Variants in WDHD1 observed in about 807,000 individuals in gnomAD.
WDHD1 encodes the protein WD repeat and HMG-box DNA binding protein 1.
Under a neutral mutation model 135.4 loss-of-function variants are expected in WDHD1, and 111 were observed. The ratio of observed to expected loss-of-function variants is 0.82; its 90% CI spans 0.70 to 0.96. WDHD1 has a LOEUF of 0.96. Among genes scored for constraint, WDHD1 ranks in the 40% least tolerant of loss-of-function variants. The pLI is 0.00. For missense variants in WDHD1, 1,351 were observed against 1,336.3 expected (o/e 1.01, Z -0.17); for synonymous variants, 434 against 439.0 (o/e 0.99, Z 0.14).
At chr14:54,990,545 G>A (rs2041768787) in intron 12 of WDHD1, among the ~76,000 whole-genome samples, 1 of 150,550 alleles carries the variant, frequency 6.6e-6, no homozygotes. Context: ...GCAGTGAGCA[G>A]AGATTGTGCC....
intron 15 of WDHD1, 23 bp from the exon 16 acceptor site, chr14:54,981,719 C>T: frequency 6.5e-7 from 1 of 1,544,374 alleles, no homozygotes; most frequent in African/African-American, 1.4e-5. Context: ...AGAAAAATCA[C>T]TTGGAGACAT....
rs762950965 is a variant in WDHD1, at chr14:54,962,779, C to T, written c.2606G>A (p.Gly869Glu). 2.5e-5 allele frequency: 40 copies of T among 1,613,716 alleles called. No homozygotes were observed. Among genetic ancestry groups the T allele is most frequent in the Non-Finnish European group, 2.9e-5 (34 of 1,180,020 alleles). Reference sequence around the variant, plus strand: ...TGGTTTTTCTTCATCATCAGCTTCTCCACTGTCCTCAGCATCTTCTTCAAC... The same window carrying T: ...TGGTTTTTCTTCATCATCAGCTTCTTCACTGTCCTCAGCATCTTCTTCAAC... ...NQVEEDAEDS[G>E]EADDEEKPEI... The change falls in exon 20 of 26, where the codon GGA becomes GAA. Residue 869 changes from glycine (G) to glutamate (E), a missense_variant. By Grantham distance (98) the Gly-to-Glu change is moderately conservative (BLOSUM62 -2). This residue lies in a region of WDHD1 where 1,330 missense variants were observed against 1,296.1 expected (regional missense o/e 1.03). Transcript: ENST00000360586.
At chr14:54,977,457 T>G (rs2041543307) in intron 16 of WDHD1, among the ~76,000 whole-genome samples, 1 of 152,202 alleles carries the variant, frequency 6.6e-6, no homozygotes, top group Non-Finnish European at 1.5e-5. Flanking sequence ...TCCCAGCACT[T>G]TGGGAGGCCA....
intron 16 of WDHD1, among the ~76,000 whole-genome samples, chr14:54,968,883 T>C (rs1450940195): frequency 2.6e-5 from 4 of 152,082 alleles, no homozygotes; most frequent in Non-Finnish European, 5.9e-5. Flanking sequence ...GCTACAAAAA[T>C]TTTTAAAGAT....
chr14:54,963,799 CAAA>C (rs34281869), intron 18 of WDHD1, among the ~76,000 whole-genome samples: 8 of 82,992 alleles, frequency 9.6e-5, no homozygotes, highest in Non-Finnish European at 1.2e-4. Flanking sequence ...GACTCTGTCT[CAAA>C]AAAAAAAAAA....
intron 1 of WDHD1, 82 bp from the exon 2 acceptor site, chr14:55,026,885 T>C (rs1042176443): frequency 2.9e-6 from 4 of 1,356,812 alleles, no homozygotes; most frequent in Non-Finnish European, 2.1e-6. Context: ...GAGCTTAGTC[T>C]CCTCTAGGGC....
At position 55,001,273 on chromosome 14, in the gene WDHD1, T is replaced by G. The variant is rs766905700; in HGVS notation, c.694-281A>C. Among the ~76,000 whole-genome samples the G allele has an allele frequency of 2.2e-4, 33 of 152,334 alleles. 1 individual carries two copies. Among genetic ancestry groups the G allele is most frequent in the Admixed American group, 5.9e-4 (9 of 15,298 alleles). On this transcript the variant is annotated intron_variant, in intron 8 of 25. Coordinates refer to ENST00000360586, the MANE Select transcript of WDHD1 (RefSeq NM_007086.4). Reference sequence around the variant, plus strand: ...ATTATACTGGCACCATTTTATTTTATTTTTAGAGTCAGGGTCTTGCTCTGC... The same window carrying G: ...ATTATACTGGCACCATTTTATTTTAGTTTTAGAGTCAGGGTCTTGCTCTGC...
At chr14:55,023,159 T>A (rs898070439) in intron 2 of WDHD1, among the ~76,000 whole-genome samples, 1 of 152,194 alleles carries the variant, frequency 6.6e-6, no homozygotes, top group East Asian at 1.9e-4. Context: ...ATTATCAAAC[T>A]ATCCTCTGCT....
At position 54,965,955 on chromosome 14, in the gene WDHD1, T is replaced by TA. The variant is rs11338389; in HGVS notation, c.2310+519dup. On this transcript the variant is annotated intron_variant, in intron 18 of 25. Transcript: ENST00000360586. The stretch of plus-strand genomic sequence containing the variant: ...TGAGAAACAAGAGCGAAACTCCGCC[T>TA]AAAAAAAAAAAAAGAAAAAAATTTT... Among the ~76,000 whole-genome samples, 1,017 of 129,426 alleles carry TA rather than the reference T, an allele frequency of 7.9e-3. 17 individuals carry two copies. Among genetic ancestry groups the TA allele is most frequent in the African/African-American group, 0.023 (854 of 36,602 alleles). 84.9% of individuals were successfully genotyped at this position (129,426 alleles called of 152,430 possible). A position where few individuals can be genotyped will look rare whatever the true frequency, so the allele number is the denominator to read the frequency against.
At chr14:54,988,041 C>T (rs1252300693) in intron 13 of WDHD1, among the ~76,000 whole-genome samples, 1 of 152,126 alleles carries the variant, frequency 6.6e-6, no homozygotes. Flanking sequence ...TAACAAAAAG[C>T]TGAAAAAATA....
intron 11 of WDHD1, among the ~76,000 whole-genome samples, chr14:54,992,287 C>T (rs376305624): frequency 6.6e-6 from 1 of 151,772 alleles, no homozygotes; most frequent in Non-Finnish European, 1.5e-5. Flanking sequence ...GGTCAGGAGT[C>T]CGAGACCAGA....
intron 23 of WDHD1, among the ~76,000 whole-genome samples, 191 bp from the exon 24 acceptor site, chr14:54,955,885 C>CAGATT: frequency 6.8e-6 from 1 of 147,636 alleles, no homozygotes; most frequent in Non-Finnish European, 1.5e-5. Flanking sequence ...ACTTCAGATT[C>CAGATT]CATGTTTTCC....
Position 55,003,000 on chromosome 14 carries a change from TG to T in WDHD1, c.601-816del, listed in dbSNP as rs1248818110. Among the ~76,000 whole-genome samples, 8 of 152,268 alleles carry T rather than the reference TG, an allele frequency of 5.3e-5. 1 individual carries two copies. The South Asian group carries it at 1.5e-3, about 28-fold the overall frequency. On this transcript the variant is annotated intron_variant, in intron 7 of 25. Transcript: ENST00000360586. The stretch of plus-strand genomic sequence containing the variant: ...TTCAAATATCTTGAAAAACAAGAAA[TG>T]TATCTTCTTATGCATTATTCTGAAG...
In WDHD1 at chr14:54,991,213, C is replaced by T. The variant is rs1183007440; in HGVS notation, c.1341G>A (p.Met447Ile). ...STPLHLTHRF[M>I]VWNSIGIIRC... The stretch of plus-strand genomic sequence containing the variant: ...AGTTAAGTGTAGATCCAAGTCTTAC[C>T]ATGAATCTGTGAGTGAGATGCAACG... The change falls in exon 12 of 26, where the codon ATG becomes ATA. Residue 447 changes from methionine to isoleucine, a missense_variant and splice_region_variant. Met to Ile is a conservative substitution (Grantham distance 10). Around this residue, in one of 2 missense-constraint regions of WDHD1, gnomAD observed 1,330 missense variants for 1,296.1 expected, o/e 1.03. Transcript: ENST00000360586. The T allele has an allele frequency of 7.1e-6, 11 of 1,558,906 alleles. No homozygotes were observed. Among genetic ancestry groups the T allele is most frequent in the Non-Finnish European group, 9.7e-6 (11 of 1,131,500 alleles).
At chr14:54,977,047 C>A (rs2041536413) in intron 16 of WDHD1, among the ~76,000 whole-genome samples, 1 of 151,954 alleles carries the variant, frequency 6.6e-6, no homozygotes, top group Non-Finnish European at 1.5e-5. Flanking sequence ...TATCAGCTAA[C>A]TCCCTTTGTT....
At chr14:55,014,123 G>A (rs565363018) in intron 2 of WDHD1, among the ~76,000 whole-genome samples, 13 of 152,258 alleles carry the variant, frequency 8.5e-5, no homozygotes, top group African/African-American at 3.1e-4. Flanking sequence ...AAATTTTGAG[G>A]CAGAGTCTCA....
In WDHD1 at chr14:54,987,159, A is replaced by G; in HGVS notation, c.1755T>C (p.Ile585=). ...SMAGHGEQLF[I]VYHRGTGFDG... is the part of the protein sequence containing the mutation. ...AAAAAAATCTACCTCTGTGATAAAC[A>G]ATGAAAAGCTGTTCTCCATGTCCTG... Residue 585 remains isoleucine (I), a synonymous_variant, in exon 14 of 26, where the codon ATT becomes ATC. Coordinates refer to ENST00000360586, the MANE Select transcript of WDHD1 (RefSeq NM_007086.4). 1.2e-6 allele frequency: 2 copies of G among 1,614,140 alleles called. No homozygotes were observed. Among genetic ancestry groups the G allele is most frequent in the Non-Finnish European group, 1.7e-6 (2 of 1,179,992 alleles).
At chr14:54,959,782 G>A (rs551054880) in intron 21 of WDHD1, among the ~76,000 whole-genome samples, 25 of 149,608 alleles carry the variant, frequency 1.7e-4, no homozygotes, top group Admixed American at 8.6e-4. Flanking sequence ...CCCTGTATCC[G>A]CACCCCCCCC....
intron 15 of WDHD1, among the ~76,000 whole-genome samples, chr14:54,982,450 T>A (rs2140191126): frequency 6.6e-6 from 1 of 152,308 alleles, no homozygotes; most frequent in African/African-American, 2.4e-5. Flanking sequence ...TCTTCCTCTC[T>A]CTTCTTTTTG....
Sources: allele counts gnomAD v4.1 joint callset (sites outside exome capture counted in the v4.1 genomes callset), GRCh38; gene constraint gnomAD v4.1.1; regional missense constraint gnomAD v4.1.1; transcripts MANE v1.5; gene names NCBI Gene and HGNC (gene_info 2026-07-23, HGNC 2026-07-21).